ZFP64: variants seen among roughly 807,000 people sequenced by gnomAD.
ZFP64 encodes the protein ZFP64 zinc finger protein, also known as zinc finger protein 64.
ZFP64 carries 14 observed loss-of-function variants against 51.6 expected under a neutral mutation model. The observed-to-expected ratio is 0.27, with a 90% CI of 0.18 to 0.42. The LOEUF is 0.42. Among genes scored for constraint, ZFP64 ranks in the 10% least tolerant of loss-of-function variants. The pLI is 1.00. For synonymous variants in ZFP64, 375 were observed against 361.4 expected (o/e 1.04, Z -0.43); for missense variants, 754 against 906.8 (o/e 0.83, Z 2.16).
intron 5 of ZFP64, among the ~76,000 whole-genome samples, chr20:52,133,950 G>A (rs1300357279): frequency 6.6e-6 from 1 of 150,770 alleles, no homozygotes; most frequent in Non-Finnish European, 1.5e-5. Context: ...GATCACCTGA[G>A]CCCGGGAGGT....
intron 5 of ZFP64, among the ~76,000 whole-genome samples, chr20:52,123,188 G>A (rs185552049): frequency 2.0e-5 from 3 of 152,094 alleles, no homozygotes; most frequent in African/African-American, 7.2e-5. Flanking sequence ...ATGGGGTTTC[G>A]CCATGTTAGC....
intron 5 of ZFP64, among the ~76,000 whole-genome samples, chr20:52,142,518 C>T (rs1600746556): frequency 6.6e-6 from 1 of 151,814 alleles, no homozygotes; most frequent in South Asian, 2.1e-4. Context: ...AAACTGCATG[C>T]ACTTGTATCC....
intron 7 of ZFP64, among the ~76,000 whole-genome samples, chr20:52,094,523 G>A (rs1394943863): frequency 6.6e-6 from 1 of 152,202 alleles, no homozygotes; most frequent in Non-Finnish European, 1.5e-5. Flanking sequence ...CACTTTGGAA[G>A]GCCGAGGCAG....
exon 9 of ZFP64, chr20:52,084,981 G>C: frequency 6.2e-7 from 1 of 1,614,024 alleles, no homozygotes; most frequent in South Asian, 1.1e-5. Context: ...GGCCGCGCTG[G>C]AGCAGGAGTA....
chr20:52,152,586 C>T lies in ZFP64; in HGVS notation c.1606G>A (p.Gly536Arg). The T allele has an allele frequency of 6.4e-7, 1 of 1,551,792 alleles. No individual in the cohort carries two copies. Among genetic ancestry groups the T allele is most frequent in the Non-Finnish European group, 8.7e-7 (1 of 1,152,592 alleles). ...CGCAGGATCTGCAGCCGGCTGTTCC[C>T]TGGGAGTTCCTCTGGGTTCTGGGCC... is the stretch of plus-strand genomic sequence containing the variant. ...LVAQNPEELPGNSRLQILRQV... is the reference protein window; with the variant it reads ...LVAQNPEELPRNSRLQILRQV... The change falls in exon 6 of 6, where the codon GGG (glycine) becomes AGG (arginine). Residue 536 changes from glycine to arginine, a missense_variant. Transcript: ENST00000216923.
chr20:52,168,907 C>T (rs954792598), intron 2 of ZFP64, among the ~76,000 whole-genome samples: 21 of 152,228 alleles, frequency 1.4e-4, no homozygotes, highest in Non-Finnish European at 2.9e-4. Context: ...ATGTGACCCA[C>T]TGAAATCAAG....
At chr20:52,172,671 C>G (rs1176420996) in intron 2 of ZFP64, among the ~76,000 whole-genome samples, 2 of 151,996 alleles carry the variant, frequency 1.3e-5, no homozygotes, top group Non-Finnish European at 2.9e-5. Context: ...CCTCTTTTCA[C>G]CGAGAATGCA....
At chr20:52,100,162 T>C (rs1161188364) in intron 5 of ZFP64, among the ~76,000 whole-genome samples, 1 of 152,160 alleles carries the variant, frequency 6.6e-6, no homozygotes, top group Non-Finnish European at 1.5e-5. Context: ...GCTAATTTTT[T>C]GTATTTTCAG....
chr20:52,186,010 C>A (rs746821023), intron 2 of ZFP64, among the ~76,000 whole-genome samples: 8 of 152,118 alleles, frequency 5.3e-5, no homozygotes, highest in Admixed American at 1.3e-4. Context: ...CATTTTACTT[C>A]GGAAAAAGTA....
downstream of ZFP64, among the ~76,000 whole-genome samples, chr20:52,150,083 G>A (rs1484891877): frequency 6.6e-6 from 1 of 151,674 alleles, no homozygotes; most frequent in Non-Finnish European, 1.5e-5. Context: ...CGGGTGCCTA[G>A]AGTCCCAGCT....
At chr20:52,141,550 T>C (rs539561379) in intron 5 of ZFP64, among the ~76,000 whole-genome samples, 1 of 152,234 alleles carries the variant, frequency 6.6e-6, no homozygotes, top group East Asian at 1.9e-4. Flanking sequence ...GCAGAGATGG[T>C]AGAGATTGCA....
At chr20:52,090,608 G>A (rs2078913440) in intron 7 of ZFP64, among the ~76,000 whole-genome samples, 2 of 151,980 alleles carry the variant, frequency 1.3e-5, no homozygotes, top group South Asian at 4.1e-4. Context: ...AGACCAGCCT[G>A]GCCAACATGG....
rs1287340363 is a variant in ZFP64 at position 52,152,835 on chromosome 20, T to G, written c.1357A>C (p.Ser453Arg). 9 of 1,614,022 alleles carry G rather than the reference T, an allele frequency of 5.6e-6. No individual in the cohort carries two copies. Among genetic ancestry groups the G allele is most frequent in the Non-Finnish European group, 7.6e-6 (9 of 1,179,996 alleles). The stretch of plus-strand genomic sequence containing the variant: ...AGAACGGTCACGTCCGAGTTCTTAC[T>G]CTCACTGTACTCACTGTGCTGTCTC... ...HKRQHSEYSE[S>R]KNSDVTVLQF... is the part of the protein sequence containing the mutation. Residue 453 changes from serine to arginine, a missense_variant, in exon 6 of 6, where the codon AGT becomes CGT. Transcript: ENST00000216923.
At chr20:52,166,734 C>A (rs901311857) in intron 2 of ZFP64, among the ~76,000 whole-genome samples, 1 of 152,144 alleles carries the variant, frequency 6.6e-6, no homozygotes, top group Non-Finnish European at 1.5e-5. Context: ...AACTACCATG[C>A]CTGCCCTAGA....
intron 5 of ZFP64, among the ~76,000 whole-genome samples, chr20:52,122,412 A>T (rs1366329069): frequency 6.6e-6 from 1 of 151,040 alleles, no homozygotes; most frequent in Non-Finnish European, 1.5e-5. Flanking sequence ...AGGCTGAGGC[A>T]GGAGAATGGC....
At chr20:52,098,704 A>G in intron 5 of ZFP64, 1 of 1,395,088 alleles carries the variant, frequency 7.2e-7, no homozygotes, top group Non-Finnish European at 9.8e-7. Flanking sequence ...AAAAATTTAA[A>G]AAAAATGAAA....
At chr20:52,129,134 A>T (rs1262776529) in intron 5 of ZFP64, among the ~76,000 whole-genome samples, 17 of 133,962 alleles carry the variant, frequency 1.3e-4, no homozygotes, top group South Asian at 4.8e-4. Context: ...CAGGCTGGAG[A>T]GCAGTGGCGC....
intron 5 of ZFP64, among the ~76,000 whole-genome samples, chr20:52,144,602 A>AAAAAAAAAAAAAAAAAAC (rs1980431158): frequency 6.9e-6 from 1 of 145,126 alleles, no homozygotes; most frequent in Admixed American, 6.9e-5. Context: ...AAAAAAAAAA[A>AAAAAAAAAAAAAAAAAAC]TGCTGAAAGC....
intron 5 of ZFP64, among the ~76,000 whole-genome samples, chr20:52,141,420 T>A (rs1980248250): frequency 2.0e-5 from 3 of 152,188 alleles, no homozygotes; most frequent in Admixed American, 2.0e-4. Flanking sequence ...GCCATGAAGA[T>A]CATTCATGAT....
Sources: gnomAD v4.1 joint callset for allele counts (sites outside exome capture counted in the v4.1 genomes callset) on GRCh38, gnomAD v4.1.1 for gene constraint, MANE v1.5 for transcripts, NCBI Gene and HGNC (gene_info 2026-07-23, HGNC 2026-07-21) for gene names.